The following MPDZ variants were observed in gnomAD, a reference collection of about 807,000 sequenced individuals.
MPDZ encodes multiple PDZ domain crumbs cell polarity complex component.
Under a neutral mutation model 239.1 loss-of-function variants are expected in MPDZ, and 234 were observed. The observed-to-expected ratio is 0.98, with a 90% CI of 0.88 to 1.09. The LOEUF is 1.09. MPDZ is among the 50% of genes least tolerant of loss of function. MPDZ has a pLI of 0.00. For missense variants in MPDZ, 3,175 were observed against 2,510.0 expected (o/e 1.26, Z -5.66); for synonymous variants, 1,048 against 881.3 (o/e 1.19, Z -3.35).
At chr9:13,235,107 G>T (rs1963593754) in intron 3 of MPDZ, among the ~76,000 whole-genome samples, 1 of 152,076 alleles carries the variant, frequency 6.6e-6, no homozygotes, top group African/African-American at 2.4e-5. Context: ...GCACAGCTCT[G>T]ATGCATTATT....
intron 19 of MPDZ, among the ~76,000 whole-genome samples, chr9:13,183,050 G>A (rs550046601): frequency 1.1e-4 from 16 of 152,068 alleles, no homozygotes; most frequent in Non-Finnish European, 2.4e-4. Flanking sequence ...TTGCATAGAA[G>A]TCAGTTTTAA....
At chr9:13,193,463 CT>C in intron 13 of MPDZ, 150 bp from the exon 14 acceptor site, 1 of 891,456 alleles carries the variant, frequency 1.1e-6, no homozygotes, top group South Asian at 2.6e-5. Context: ...AGCTTTGGGG[CT>C]TTTCCTTTGA....
chr9:13,223,550 A>G, intron 5 of MPDZ, 21 bp downstream of exon 5: 2 of 1,581,980 alleles, frequency 1.3e-6, no homozygotes, highest in East Asian at 4.5e-5. Context: ...AAAAACAAAG[A>G]AGACGCCGCG....
Position 13,206,000 on chromosome 9 carries a change from T to C in MPDZ, c.1390A>G (p.Met464Val), listed in dbSNP as rs766332653. 1.9e-6 allele frequency: 3 copies of C among 1,613,010 alleles called. No homozygotes were observed. Among genetic ancestry groups the C allele is most frequent in the African/African-American group, 2.7e-5 (2 of 74,948 alleles). ...TVLLTLMRRG[M>V]KQEAELMSRE... Reference sequence around the variant, plus strand: ...GACATGAGCTCGGCTTCCTGCTTCATTCCTCTCCTCATTAGTGTCAGGAGC... The same window carrying C: ...GACATGAGCTCGGCTTCCTGCTTCACTCCTCTCCTCATTAGTGTCAGGAGC... Residue 464 changes from methionine (M) to valine (V), a missense_variant, in exon 11 of 47, where the codon ATG becomes GTG. Transcript: ENST00000319217.
chr9:13,108,789 G>T, intron 46 of MPDZ, 147 bp downstream of exon 46: 1 of 660,472 alleles, frequency 1.5e-6, no homozygotes, highest in Non-Finnish European at 2.2e-6. Flanking sequence ...AATATTTAAT[G>T]ACCTGTTCCT....
rs753278452 is a variant in MPDZ, at chr9:13,217,264, T to G, written c.1117A>C (p.Ser373Arg). 27 of 1,599,360 alleles carry G rather than the reference T, an allele frequency of 1.7e-5. No homozygotes were observed. Among genetic ancestry groups the G allele is most frequent in the Non-Finnish European group, 2.2e-5 (26 of 1,171,684 alleles). Residue 373 changes from serine to arginine, a missense_variant, in exon 9 of 47, where the codon AGT becomes CGT. By Grantham distance (110) the Ser-to-Arg change is moderately radical (BLOSUM62 -1). Coordinates refer to ENST00000319217, the MANE Select transcript of MPDZ (RefSeq NM_001378778.1). ...GTGAGTTCTACATCAAATGTCTCAC[T>G]TTCTTCACCTTTCTGAGTAGAAGCA... ...VDASTQKGEE[S>R]ETFDVELTKN... is the part of the protein sequence containing the mutation.
chr9:13,176,677 G>A (rs1008101687), intron 19 of MPDZ, among the ~76,000 whole-genome samples: 1 of 151,714 alleles, frequency 6.6e-6, no homozygotes, highest in Non-Finnish European at 1.5e-5. Flanking sequence ...ACAAGATACT[G>A]TACGTAAGAT....
At chr9:13,262,174 G>A (rs1008665082) in intron 1 of MPDZ, among the ~76,000 whole-genome samples, 2 of 152,006 alleles carry the variant, frequency 1.3e-5, no homozygotes, top group African/African-American at 2.4e-5. Context: ...CCAAAAATCT[G>A]CATTCAGGCC....
chr9:13,151,426 A>G, intron 24 of MPDZ, among the ~76,000 whole-genome samples: 1 of 152,164 alleles, frequency 6.6e-6, no homozygotes, highest in East Asian at 1.9e-4. Flanking sequence ...TAGATAAAAT[A>G]CTATATACAT....
chr9:13,195,898 C>A (rs920023552), intron 13 of MPDZ, among the ~76,000 whole-genome samples: 7 of 152,086 alleles, frequency 4.6e-5, no homozygotes, highest in African/African-American at 1.7e-4. Context: ...TGATAAAATG[C>A]AAGTTTCAAA....
At chr9:13,272,822 G>T (rs1973311816) in intron 1 of MPDZ, among the ~76,000 whole-genome samples, 1 of 151,966 alleles carries the variant, frequency 6.6e-6, no homozygotes, top group African/African-American at 2.4e-5. Flanking sequence ...AAGCCGAGGA[G>T]GAAATACATA....
At chr9:13,144,779 C>G (rs1948212052) in intron 26 of MPDZ, among the ~76,000 whole-genome samples, 1 of 152,100 alleles carries the variant, frequency 6.6e-6, no homozygotes, top group Admixed American at 6.6e-5. Context: ...TTCTGCTCAT[C>G]TCAACTTTCT....
In MPDZ at chr9:13,204,921, G is replaced by A. The variant is rs1055873234; in HGVS notation, c.1546+115C>T. The stretch of plus-strand genomic sequence containing the variant: ...CAGGGATTTACAAACTTCACTTTTT[G>A]AAATTTTTTTTAGTAACTTACAATA... On this transcript the variant is annotated intron_variant, in intron 12 of 46. Coordinates refer to ENST00000319217, the MANE Select transcript of MPDZ (RefSeq NM_001378778.1). The A allele has an allele frequency of 7.0e-5, 44 of 626,412 alleles. No individual in the cohort carries two copies. In the East Asian group the frequency reaches 1.4e-3, roughly 20 times the overall value. 38.8% of individuals were successfully genotyped at this position (626,412 alleles called of 1,614,324 possible). A position where few individuals can be genotyped will look rare whatever the true frequency, so the allele number is the denominator to read the frequency against.
rs56281339 is a variant in MPDZ, at chr9:13,215,753, G to GTTTTTTTTTTTT, written c.1290+1009_1290+1020dup. Among the ~76,000 whole-genome samples, 185 of 89,036 alleles carry GTTTTTTTTTTTT rather than the reference G, an allele frequency of 2.1e-3. 1 individual carries two copies. The highest frequency in any genetic ancestry group is 4.0e-3 in the East Asian group (10 of 2,504). The allele number at this position is 89,036 out of a possible 152,430, so 58.4% of individuals were successfully genotyped here. A position where few individuals can be genotyped will look rare whatever the true frequency, so the allele number is the denominator to read the frequency against. On this transcript the variant is annotated intron_variant, in intron 10 of 46. Transcript: ENST00000319217. ...AGATAAACAGGTTTCTCTATTGCAG[G>GTTTTTTTTTTTT]TTTTTTTTTTTTTTTTTTTTTGTCT...
chr9:13,192,279 A>T lies in MPDZ; in HGVS notation c.1820T>A (p.Leu607Ter). The T allele has an allele frequency of 6.3e-7, 1 of 1,599,040 alleles. No homozygotes were observed. The highest frequency in any genetic ancestry group is 8.5e-7 in the Non-Finnish European group (1 of 1,171,594). The change falls in exon 15 of 47, where the codon TTA becomes TAA. Residue 607 changes from leucine (L) to a stop codon, truncating the protein, a stop_gained. Coordinates refer to ENST00000319217, the MANE Select transcript of MPDZ (RefSeq NM_001378778.1). LOFTEE classifies it high-confidence loss of function. The part of the protein sequence containing the change: ...DELLEVNGIT[L>*]LGENHQDVVN... ...CACATCTTGGTGATTTTCCCCAAGT[A>T]AAGTTATGCCATTTACCTGTGAAAA...
At position 13,188,818 on chromosome 9, in the gene MPDZ, C is replaced by T. The variant is rs1258843904; in HGVS notation, c.2330G>A (p.Gly777Glu). The part of the protein sequence containing the change: ...AVEALKGAPS[G>E]TVRIGVAKPL... ...CTTAGCAACTCCTATTCTCACAGTC[C>T]CTGACGGTGCTCCCTTCAGTGCTTC... Residue 777 changes from glycine to glutamate, a missense_variant, in exon 17 of 47, where the codon GGG becomes GAG. Gly to Glu is a moderately conservative substitution (Grantham distance 98). Coordinates refer to ENST00000319217, the MANE Select transcript of MPDZ (RefSeq NM_001378778.1). 2.5e-6 allele frequency: 4 copies of T among 1,613,340 alleles called. No homozygotes were observed. The highest frequency in any genetic ancestry group is 1.7e-5 in the Admixed American group (1 of 59,978).
At chr9:13,137,218 C>T (rs539539466) in intron 29 of MPDZ, among the ~76,000 whole-genome samples, 1 of 152,046 alleles carries the variant, frequency 6.6e-6, no homozygotes, top group Non-Finnish European at 1.5e-5. Context: ...AAAACTCAAG[C>T]CCTGGAAATA....
Position 13,126,768 on chromosome 9 carries a change from T to TG in MPDZ, c.4468dup (p.Gln1490ProfsTer45). On this transcript the variant is annotated frameshift_variant, in exon 33 of 47. Transcript: ENST00000319217. LOFTEE classifies it high-confidence loss of function. The stretch of plus-strand genomic sequence containing the variant: ...GCTGATAGCAATACCCAAACCCCCC[T>TG]GATCCTAGAAAAGTAAAAACAAAAA... 6.2e-7 allele frequency: 1 copy of TG among 1,613,384 alleles called. No individual in the cohort carries two copies. Among genetic ancestry groups the TG allele is most frequent in the Non-Finnish European group, 8.5e-7 (1 of 1,179,490 alleles).
Position 13,279,244 on chromosome 9 carries a change from CACCCCT to C in MPDZ, c.-58+150_-58+155del, listed in dbSNP as rs1454697461. ...GCCCCACCGCCCCACGGCCCGCCGC[CACCCCT>C]ACCCCCACCCCCACCCCCACCCCCA... On this transcript the variant is annotated intron_variant, in intron 1 of 46. Transcript: ENST00000319217. 30 of 127,456 alleles carry C rather than the reference CACCCCT, an allele frequency of 2.4e-4. 2 individuals are homozygous for C. The highest frequency in any genetic ancestry group is 3.9e-3 in the Middle Eastern group (1 of 254). 7.9% of individuals were successfully genotyped at this position (127,456 alleles called of 1,614,324 possible). A position where few individuals can be genotyped will look rare whatever the true frequency, so the allele number is the denominator to read the frequency against.
Sources: gnomAD v4.1 joint callset for allele counts (sites outside exome capture counted in the v4.1 genomes callset) on GRCh38, gnomAD v4.1.1 for gene constraint, MANE v1.5 for transcripts, NCBI Gene and HGNC (gene_info 2026-07-23, HGNC 2026-07-21) for gene names.